Variants in ABLIM1 observed in about 807,000 individuals in gnomAD.
ABLIM1 encodes actin-binding LIM protein 1.
ABLIM1 carries 40 observed loss-of-function variants against 107.0 expected under a neutral mutation model. The ratio of observed to expected loss-of-function variants is 0.37; its 90% confidence interval spans 0.29 to 0.49. The LOEUF (loss-of-function observed/expected upper bound fraction) is 0.49, where lower values mean the gene tolerates loss of function less well. ABLIM1 is among the 20% of genes least tolerant of loss of function. ABLIM1 has a pLI of 0.97. For missense variants in ABLIM1, 857 were observed against 1,008.5 expected (o/e 0.85, Z 2.04); for synonymous variants, 357 against 357.3 (o/e 1.00, Z 0.01).
At chr10:114,746,332 G>A (rs1341736762) in intron 1 of ABLIM1, among the ~76,000 whole-genome samples, 1 of 152,168 alleles carries the variant, frequency 6.6e-6, no homozygotes, top group East Asian at 1.9e-4. Flanking sequence ...AAGCAGGAAC[G>A]TGTGGTACTT....
chr10:114,487,002 G>A (rs891365896), intron 8 of ABLIM1, among the ~76,000 whole-genome samples: 1 of 152,200 alleles, frequency 6.6e-6, no homozygotes, highest in African/African-American at 2.4e-5. Context: ...AAGGCAGAGC[G>A]AATGGGTCTC....
At chr10:114,569,379 G>C (rs530660472) in intron 4 of ABLIM1, among the ~76,000 whole-genome samples, 35 of 151,856 alleles carry the variant, frequency 2.3e-4, no homozygotes, top group Admixed American at 1.5e-3. Flanking sequence ...GAGTGCAGTG[G>C]CGCGATCTCG....
intron 6 of ABLIM1, among the ~76,000 whole-genome samples, chr10:114,500,492 C>T (rs1590524012): frequency 6.6e-6 from 1 of 151,898 alleles, no homozygotes; most frequent in Non-Finnish European, 1.5e-5. Context: ...CCAGCCTGGG[C>T]AACATGGAGA....
chr10:114,786,907 C>T, the ABLIM1 span, among the ~76,000 whole-genome samples: 2 of 152,032 alleles, frequency 1.3e-5, no homozygotes, highest in South Asian at 2.1e-4. Context: ...AGCCTCTGCC[C>T]GGCGGCCACC....
chr10:114,626,781 A>G (rs1344477023), intron 1 of ABLIM1, among the ~76,000 whole-genome samples: 2 of 152,150 alleles, frequency 1.3e-5, no homozygotes, highest in Non-Finnish European at 2.9e-5. Context: ...GTGGTGACCA[A>G]GTTAAAATGA....
chr10:114,481,699 C>T (rs933006216), intron 8 of ABLIM1, among the ~76,000 whole-genome samples: 1 of 152,170 alleles, frequency 6.6e-6, no homozygotes, highest in Admixed American at 6.5e-5. Context: ...TGCCATCAGC[C>T]GTTATTACAT....
intron 1 of ABLIM1, among the ~76,000 whole-genome samples, chr10:114,643,075 A>C (rs934496777): frequency 5.3e-5 from 8 of 152,258 alleles, no homozygotes; most frequent in African/African-American, 1.9e-4. Context: ...ACTGCTGGAA[A>C]ACAACATCCA....
At chr10:114,664,550 T>C (rs2079933707) in intron 1 of ABLIM1, among the ~76,000 whole-genome samples, 1 of 150,730 alleles carries the variant, frequency 6.6e-6, no homozygotes, top group Non-Finnish European at 1.5e-5. Flanking sequence ...TGTTATTTTA[T>C]TTTATTTTTT....
intron 1 of ABLIM1, among the ~76,000 whole-genome samples, chr10:114,648,554 G>A (rs141990689): frequency 6.6e-6 from 1 of 152,244 alleles, no homozygotes; most frequent in East Asian, 1.9e-4. Context: ...GTTTTCTAAC[G>A]GGCACAAGGT....
intron 1 of ABLIM1, among the ~76,000 whole-genome samples, chr10:114,716,873 G>C (rs950130799): frequency 1.3e-5 from 2 of 151,066 alleles, no homozygotes; most frequent in Non-Finnish European, 2.9e-5. Context: ...CAGAAGAGCA[G>C]GAAAACACAG....
chr10:114,505,491 T>C (rs746948978), intron 6 of ABLIM1, among the ~76,000 whole-genome samples: 3 of 152,200 alleles, frequency 2.0e-5, no homozygotes, highest in Non-Finnish European at 4.4e-5. Context: ...CAGTTCTCAA[T>C]ACACATCTCC....
rs184837569 is a variant in ABLIM1 at position 114,619,505 on chromosome 10, A to T, written c.245-17544T>A. Among the ~76,000 whole-genome samples, 1 of 151,924 alleles carries T rather than the reference A, an allele frequency of 6.6e-6. No homozygotes were observed. Among genetic ancestry groups the T allele is most frequent in the African/African-American group, 2.4e-5 (1 of 41,450 alleles). On this transcript the variant is annotated intron_variant, in intron 1 of 22. Transcript: ENST00000533213. The surrounding 1 kb of genome is among the most constrained non-coding windows in gnomAD (Gnocchi z 4.1). ...AGCCACTGTGCCTGGCTGAAATGAT[A>T]TTTTTTTTCTGGAAAAGCTCTTACA... is the stretch of plus-strand genomic sequence containing the variant.
chr10:114,446,981 T>C (rs560887417), intron 15 of ABLIM1, among the ~76,000 whole-genome samples: 2 of 152,342 alleles, frequency 1.3e-5, no homozygotes, highest in Non-Finnish European at 2.9e-5. Flanking sequence ...TAAGTATCAA[T>C]TGATTTAAAA....
intron 12 of ABLIM1, 77 bp downstream of exon 12, chr10:114,465,621 T>C (rs1565396393): frequency 6.5e-7 from 1 of 1,531,240 alleles, no homozygotes; most frequent in East Asian, 2.3e-5. Context: ...TTTTTCAATG[T>C]GCTATCAATA....
intron 5 of ABLIM1, 35 bp downstream of exon 5, chr10:114,547,615 C>T: frequency 6.2e-7 from 1 of 1,611,750 alleles, no homozygotes; most frequent in Non-Finnish European, 8.5e-7. Flanking sequence ...GCCCGGTGCC[C>T]ACTGAAAGGA....
chr10:114,440,217 C>T, intron 19 of ABLIM1, 128 bp from the exon 20 acceptor site: 1 of 940,716 alleles, frequency 1.1e-6, no homozygotes, highest in Non-Finnish European at 1.7e-6. Flanking sequence ...TTTTCTGCTC[C>T]CAGACTCTGC....
At chr10:114,634,820 T>C (rs1202275520) in intron 1 of ABLIM1, among the ~76,000 whole-genome samples, 1 of 152,222 alleles carries the variant, frequency 6.6e-6, no homozygotes, top group Non-Finnish European at 1.5e-5. Context: ...GGGATAAAAG[T>C]ATCCACTCTG....
At chr10:114,642,574 T>A (rs765170372) in intron 1 of ABLIM1, among the ~76,000 whole-genome samples, 1 of 152,120 alleles carries the variant, frequency 6.6e-6, no homozygotes, top group Non-Finnish European at 1.5e-5. Context: ...GAAGAAAGAT[T>A]TTTTTAAATG....
chr10:114,462,225 T>C (rs78495740), intron 12 of ABLIM1, among the ~76,000 whole-genome samples: 3,385 of 152,284 alleles, frequency 0.022, 144 homozygotes, highest in African/African-American at 0.076. Flanking sequence ...TTTTAAGACC[T>C]GTGATAACAT....
Sources: allele counts gnomAD v4.1 joint callset (sites outside exome capture counted in the v4.1 genomes callset), GRCh38; gene constraint gnomAD v4.1.1; non-coding constraint Gnocchi (gnomAD v3.1); transcripts MANE v1.5; gene names NCBI Gene and HGNC (gene_info 2026-07-23, HGNC 2026-07-21).